DCANP1: variants seen among roughly 807,000 people sequenced by gnomAD.
DCANP1 encodes dendritic cell associated nuclear protein 1, also known as dendritic cell nuclear protein 1.
For missense variants in DCANP1, 328 were observed against 293.7 expected (o/e 1.12, Z -0.85); for synonymous variants, 139 against 124.2 (o/e 1.12, Z -0.79).
At position 135,446,307 on chromosome 5, in the gene DCANP1, T is replaced by A; in HGVS notation, c.*67A>T. ...GGGCCCTAGCTGGGAGCAGCGTTCATGTGCACTGTATGTTCGTGTTTAGTG... is the reference window on the plus strand; with the variant it reads ...GGGCCCTAGCTGGGAGCAGCGTTCAAGTGCACTGTATGTTCGTGTTTAGTG... On this transcript the variant is annotated 3_prime_UTR_variant, in exon 1 of 1. Coordinates refer to ENST00000503143, the MANE Select transcript of DCANP1 (RefSeq NM_130848.3). 1 of 1,523,578 alleles carries A rather than the reference T, an allele frequency of 6.6e-7. No individual in the cohort carries two copies. Among genetic ancestry groups the A allele is most frequent in the African/African-American group, 1.4e-5 (1 of 72,408 alleles). 94.4% of individuals were successfully genotyped at this position (1,523,578 alleles called of 1,614,324 possible). A position where few individuals can be genotyped will look rare whatever the true frequency, so the allele number is the denominator to read the frequency against.
rs1193935783 is a variant in DCANP1 at position 135,445,342 on chromosome 5, G to A, written c.*1032C>T. 6.6e-6 allele frequency: 1 copy of A among 152,292 alleles called. No homozygotes were observed. Among genetic ancestry groups the A allele is most frequent in the Non-Finnish European group, 1.5e-5 (1 of 68,160 alleles). 9.4% of individuals were successfully genotyped at this position (152,292 alleles called of 1,614,324 possible). Reference sequence around the variant, plus strand: ...GTTCTGCCCCAGCTAGAGGGTCTGCGCTGCCCCAGCCAGAGGGTCTGTGCT... The same window carrying A: ...GTTCTGCCCCAGCTAGAGGGTCTGCACTGCCCCAGCCAGAGGGTCTGTGCT... On this transcript the variant is annotated 3_prime_UTR_variant, in exon 1 of 1. Transcript: ENST00000503143.
At chr5:135,446,379 C>A in the DCANP1 span, 1 of 1,598,018 alleles carries the variant, frequency 6.3e-7, no homozygotes, top group South Asian at 1.1e-5. Context: ...CATGTTCACT[C>A]AGGCACGTGG....
chr5:135,446,400 G>A lies in DCANP1; in HGVS notation c.709C>T (p.Arg237Cys), dbSNP rs778844390. The A allele has an allele frequency of 2.1e-5, 33 of 1,607,830 alleles. No homozygotes were observed. Among genetic ancestry groups the A allele is most frequent in the South Asian group, 1.2e-4 (11 of 90,756 alleles). ...CACTCAGGCACGTGGGCTGCCCTGC[G>A]GTGGGAGCTGAGAGAATGCAGTGGA... ...QPPLHSLSSH[R>C]RAAHVPE Residue 237 changes from arginine to cysteine, a missense_variant, in exon 1 of 1, where the codon CGC becomes TGC. Coordinates refer to ENST00000503143, the MANE Select transcript of DCANP1 (RefSeq NM_130848.3).
chr5:135,446,269 C>A lies in DCANP1; in HGVS notation c.*105G>T. On this transcript the variant is annotated 3_prime_UTR_variant, in exon 1 of 1. Coordinates refer to ENST00000503143, the MANE Select transcript of DCANP1 (RefSeq NM_130848.3). ...GGGACAAGAATTCTAACCCAGGCAGCAGTCTGACCAGAGGGCCCTAGCTGG... is the reference window on the plus strand; with the variant it reads ...GGGACAAGAATTCTAACCCAGGCAGAAGTCTGACCAGAGGGCCCTAGCTGG... 1 of 1,378,378 alleles carries A rather than the reference C, an allele frequency of 7.3e-7. No homozygotes were observed. The highest frequency in any genetic ancestry group is 2.3e-5 in the East Asian group (1 of 43,062). The allele number at this position is 1,378,378 out of a possible 1,614,324, so 85.4% of individuals were successfully genotyped here.
At position 135,446,495 on chromosome 5, in the gene DCANP1, G is replaced by A. The variant is rs534209085; in HGVS notation, c.614C>T (p.Ser205Leu). 28 of 1,614,018 alleles carry A rather than the reference G, an allele frequency of 1.7e-5. No homozygotes were observed. Among genetic ancestry groups the A allele is most frequent in the Middle Eastern group, 3.3e-4 (2 of 6,062 alleles). ...GGTGAGGGATAGTGATATCAAGTGCGAAGACCAGGCCCTGAAGCCAGCCTG... is the reference window on the plus strand; with the variant it reads ...GGTGAGGGATAGTGATATCAAGTGCAAAGACCAGGCCCTGAAGCCAGCCTG... ...NRQAGFRAWS[S>L]HLISLSLTCS... The change falls in exon 1 of 1, where the codon TCG (serine) becomes TTG (leucine). Residue 205 changes from serine (S) to leucine (L), a missense_variant. Transcript: ENST00000503143.
chr5:135,446,355 T>A lies in DCANP1; in HGVS notation c.*19A>T, dbSNP rs1769260322. The A allele has an allele frequency of 6.3e-7, 1 of 1,574,878 alleles. No individual in the cohort carries two copies. The highest frequency in any genetic ancestry group is 1.2e-5 in the South Asian group (1 of 84,462). The stretch of plus-strand genomic sequence containing the variant: ...GTGTATGTCTGTGCATACTTGCGTG[T>A]GTGCACACGCACACATGTTCACTCA... On this transcript the variant is annotated 3_prime_UTR_variant, in exon 1 of 1. Coordinates refer to ENST00000503143, the MANE Select transcript of DCANP1 (RefSeq NM_130848.3).
rs954109373 is a variant in DCANP1, at chr5:135,445,881, C to A, written c.*493G>T. The A allele has an allele frequency of 6.5e-6, 1 of 152,952 alleles. No individual in the cohort carries two copies. The highest frequency in any genetic ancestry group is 2.4e-5 in the African/African-American group (1 of 41,446). 9.5% of individuals were successfully genotyped at this position (152,952 alleles called of 1,614,324 possible). A position where few individuals can be genotyped will look rare whatever the true frequency, so the allele number is the denominator to read the frequency against. On this transcript the variant is annotated 3_prime_UTR_variant, in exon 1 of 1. Coordinates refer to ENST00000503143, the MANE Select transcript of DCANP1 (RefSeq NM_130848.3). ...ACATTCTTGGAAAAGCAGAGGAATG[C>A]GAGGGTTAAAATACCTTAAAGGGCA...
Position 135,446,502 on chromosome 5 carries a change from A to G in DCANP1, c.607T>C (p.Trp203Arg). ...GATAGTGATATCAAGTGCGAAGACC[A>G]GGCCCTGAAGCCAGCCTGACGGTTC... ...SWNRQAGFRA[W>R]SSHLISLSLT... The change falls in exon 1 of 1, where the codon TGG becomes CGG. Residue 203 changes from tryptophan (W) to arginine (R), a missense_variant. By Grantham distance (101) the Trp-to-Arg change is moderately radical. Coordinates refer to ENST00000503143, the MANE Select transcript of DCANP1 (RefSeq NM_130848.3). 2 of 1,614,058 alleles carry G rather than the reference A, an allele frequency of 1.2e-6. No homozygotes were observed. Among genetic ancestry groups the G allele is most frequent in the South Asian group, 1.1e-5 (1 of 91,084 alleles).
rs1375632918 is a variant in DCANP1 at position 135,446,930 on chromosome 5, AGAG to A, written c.176_178del (p.Pro59del). 18 of 1,613,130 alleles carry A rather than the reference AGAG, an allele frequency of 1.1e-5. No individual in the cohort carries two copies. Among genetic ancestry groups the A allele is most frequent in the South Asian group, 2.2e-5 (2 of 90,972 alleles). On this transcript the variant is annotated inframe_deletion, in exon 1 of 1. Transcript: ENST00000503143. ...GTAGAGACCCTCACTGAGGCCCTGG[AGAG>A]GGGCACTCAGGGGCAGCAGCTCATT...
rs1447481288 is a variant in DCANP1 at position 135,446,247 on chromosome 5, A to T, written c.*127T>A. On this transcript the variant is annotated 3_prime_UTR_variant, in exon 1 of 1. Transcript: ENST00000503143. ...AGAACTATAGTAAGTGGGGGTGGGG[A>T]CAAGAATTCTAACCCAGGCAGCAGT... 4 of 1,146,984 alleles carry T rather than the reference A, an allele frequency of 3.5e-6. No homozygotes were observed. The highest frequency in any genetic ancestry group is 3.7e-6 in the Non-Finnish European group (3 of 807,442). 71.1% of individuals were successfully genotyped at this position (1,146,984 alleles called of 1,614,324 possible).
chr5:135,446,884 G>C lies in DCANP1; in HGVS notation c.225C>G (p.Thr75=). 1 of 1,613,826 alleles carries C rather than the reference G, an allele frequency of 6.2e-7. No individual in the cohort carries two copies. The highest frequency in any genetic ancestry group is 8.5e-7 in the Non-Finnish European group (1 of 1,179,810). ...EGLYPPGRNK[T]LPAGVLREGA... is the part of the protein sequence containing the mutation. The stretch of plus-strand genomic sequence containing the variant: ...CCTCTCGCAGGACCCCAGCTGGCAA[G>C]GTTTTGTTCCTCCCTGGAGGGTAGA... The change falls in exon 1 of 1, where the codon ACC becomes ACG. Residue 75 remains threonine (T), a synonymous_variant. Coordinates refer to ENST00000503143, the MANE Select transcript of DCANP1 (RefSeq NM_130848.3).
chr5:135,446,033 T>A lies in DCANP1; in HGVS notation c.*341A>T. ...GACTGGGTCCATGTGCCTACATGCA[T>A]TCAGTTCCTCCCACCAAACTGGACA... On this transcript the variant is annotated 3_prime_UTR_variant, in exon 1 of 1. Coordinates refer to ENST00000503143, the MANE Select transcript of DCANP1 (RefSeq NM_130848.3). 1 of 209,236 alleles carries A rather than the reference T, an allele frequency of 4.8e-6. No homozygotes were observed. Among genetic ancestry groups the A allele is most frequent in the South Asian group, 1.0e-4 (1 of 9,610 alleles). The allele number at this position is 209,236 out of a possible 1,614,324, so 13.0% of individuals were successfully genotyped here. A position where few individuals can be genotyped will look rare whatever the true frequency, so the allele number is the denominator to read the frequency against.
Position 135,445,068 on chromosome 5 carries a change from C to T in DCANP1, c.*1306G>A, listed in dbSNP as rs770522182. 1 of 152,260 alleles carries T rather than the reference C, an allele frequency of 6.6e-6. No homozygotes were observed. The highest frequency in any genetic ancestry group is 1.5e-5 in the Non-Finnish European group (1 of 68,100). 9.4% of individuals were successfully genotyped at this position (152,260 alleles called of 1,614,324 possible). The stretch of plus-strand genomic sequence containing the variant: ...AGACTTGGTGGGCAACAGGCCTGGG[C>T]TCAGTCCAGCCAGCCCAACCTCTGA... On this transcript the variant is annotated 3_prime_UTR_variant, in exon 1 of 1. Transcript: ENST00000503143.
At chr5:135,446,689 C>CT in the DCANP1 span, 1 of 1,613,760 alleles carries the variant, frequency 6.2e-7, no homozygotes, top group African/African-American at 1.3e-5. Flanking sequence ...GAACTGTGAA[C>CT]GGGTAGAGTC....
chr5:135,447,253 A>G lies in DCANP1; in HGVS notation c.-145T>C, dbSNP rs1474298665. Reference sequence around the variant, plus strand: ...TATTGGACCTTCTGATGCAAGGAGCAGATTAAAATCCCCTCCCTGTTGCCT... The same window carrying G: ...TATTGGACCTTCTGATGCAAGGAGCGGATTAAAATCCCCTCCCTGTTGCCT... On this transcript the variant is annotated 5_prime_UTR_variant, in exon 1 of 1. Coordinates refer to ENST00000503143, the MANE Select transcript of DCANP1 (RefSeq NM_130848.3). 1.0e-6 allele frequency: 1 copy of G among 981,578 alleles called. No homozygotes were observed. Among genetic ancestry groups the G allele is most frequent in the Non-Finnish European group, 1.5e-6 (1 of 663,924 alleles). The allele number at this position is 981,578 out of a possible 1,614,324, so 60.8% of individuals were successfully genotyped here.
Position 135,444,635 on chromosome 5 carries a change from A to C in DCANP1, c.*1739T>G, listed in dbSNP as rs1045042592. On this transcript the variant is annotated 3_prime_UTR_variant, in exon 1 of 1. Coordinates refer to ENST00000503143, the MANE Select transcript of DCANP1 (RefSeq NM_130848.3). ...GGTCGCAATGCGCTGTCCCCACCAC[A>C]TGGAGCTTGCTTGCCTCCGCACCTC... 1 of 152,262 alleles carries C rather than the reference A, an allele frequency of 6.6e-6. No individual in the cohort carries two copies. Among genetic ancestry groups the C allele is most frequent in the African/African-American group, 2.4e-5 (1 of 41,456 alleles). The allele number at this position is 152,262 out of a possible 1,614,324, so 9.4% of individuals were successfully genotyped here.
In DCANP1 at chr5:135,446,530, G is replaced by A. The variant is rs754123924; in HGVS notation, c.579C>T (p.Ser193=). ...PWHPPSLSPN[S]WNRQAGFRAW... ...CCCTGAAGCCAGCCTGACGGTTCCAGCTGTTAGGAGAAAGTGAAGGTGGGT... is the reference window on the plus strand; with the variant it reads ...CCCTGAAGCCAGCCTGACGGTTCCAACTGTTAGGAGAAAGTGAAGGTGGGT... Residue 193 remains serine (S), a synonymous_variant, in exon 1 of 1, where the codon AGC becomes AGT. Coordinates refer to ENST00000503143, the MANE Select transcript of DCANP1 (RefSeq NM_130848.3). 2 of 1,614,010 alleles carry A rather than the reference G, an allele frequency of 1.2e-6. No homozygotes were observed. Among genetic ancestry groups the A allele is most frequent in the South Asian group, 2.2e-5 (2 of 91,086 alleles).
At chr5:135,446,614 G>T in the DCANP1 span, 8 of 1,613,934 alleles carry the variant, frequency 5.0e-6, no homozygotes, top group African/African-American at 6.7e-5. Context: ...TCTCGGATGG[G>T]CAGAGCTTAA....
At position 135,447,203 on chromosome 5, in the gene DCANP1, C is replaced by A. The variant is rs1769285274; in HGVS notation, c.-95G>T. On this transcript the variant is annotated 5_prime_UTR_variant, in exon 1 of 1. It removes an upstream start codon present in the reference 5' UTR. Coordinates refer to ENST00000503143, the MANE Select transcript of DCANP1 (RefSeq NM_130848.3). ...CTTCTCCTTGCCAGCCCTACCAGGGCATCTCCCATTATACTAACCCTGCCT... is the reference window on the plus strand; with the variant it reads ...CTTCTCCTTGCCAGCCCTACCAGGGAATCTCCCATTATACTAACCCTGCCT... 1.3e-6 allele frequency: 2 copies of A among 1,501,984 alleles called. No individual in the cohort carries two copies. The highest frequency in any genetic ancestry group is 2.8e-5 in the African/African-American group (2 of 72,616). 93.0% of individuals were successfully genotyped at this position (1,501,984 alleles called of 1,614,324 possible).
Sources: allele counts gnomAD v4.1 joint callset, GRCh38; gene constraint gnomAD v4.1.1; transcripts MANE v1.5; gene names NCBI Gene and HGNC (gene_info 2026-07-23, HGNC 2026-07-21).